The following LYPD6 variants were observed in gnomAD, a reference collection of about 807,000 sequenced individuals.
LYPD6 encodes LY6/PLAUR domain containing 6, also known as ly6/PLAUR domain-containing protein 6.
A neutral mutation model predicts 22.7 loss-of-function variants in LYPD6; 15 were observed. The ratio of observed to expected loss-of-function variants is 0.66; its 90% confidence interval spans 0.44 to 1.02. The LOEUF (loss-of-function observed/expected upper bound fraction) is 1.02. Among genes scored for constraint, LYPD6 ranks in the 50% least tolerant of loss-of-function variants. The pLI, the probability that LYPD6 is intolerant of heterozygous loss-of-function variation, is 0.00. For missense variants in LYPD6, 189 were observed against 208.4 expected (o/e 0.91, Z 0.57); for synonymous variants, 72 against 77.5 (o/e 0.93, Z 0.37).
intron 1 of LYPD6, among the ~76,000 whole-genome samples, chr2:149,354,441 C>T (rs1023623758): frequency 2.0e-5 from 3 of 152,048 alleles, no homozygotes; most frequent in South Asian, 2.1e-4. Context: ...CTCCTGACCT[C>T]GTGATCTGCC....
At chr2:149,390,298 A>T (rs1029027470) in intron 1 of LYPD6, among the ~76,000 whole-genome samples, 1 of 152,000 alleles carries the variant, frequency 6.6e-6, no homozygotes, top group African/African-American at 2.4e-5. Context: ...ACTTCGAATG[A>T]TCTCTTTTCC....
In LYPD6 at chr2:149,356,022, G is replaced by A. The variant is rs191151571; in HGVS notation, c.-72+25300G>A. Among the ~76,000 whole-genome samples, 34 of 151,408 alleles carry A rather than the reference G, an allele frequency of 2.2e-4. 1 individual carries two copies. The East Asian group carries it at 5.6e-3, about 25-fold the overall frequency. ...AATAAATTGAAAGAAGAGTTAAATA[G>A]TCAAAATGCTGGAAGAACAGGGCAA... On this transcript the variant is annotated intron_variant, in intron 1 of 4. Transcript: ENST00000334166.
At chr2:149,484,855 T>A in the LYPD6 span, among the ~76,000 whole-genome samples, 1 of 152,172 alleles carries the variant, frequency 6.6e-6, no homozygotes, top group Admixed American at 6.5e-5. Flanking sequence ...TTGGTGTTAT[T>A]TTTTCCCTGT....
In LYPD6 at chr2:149,470,925, C is replaced by T. The variant is rs1197868189; in HGVS notation, c.*75C>T. On this transcript the variant is annotated 3_prime_UTR_variant, in exon 5 of 5. Transcript: ENST00000334166. ...TCCACAGACCTGCATGAGTCATTGG[C>T]CTGACAGTAATTACACATGTGAGAC... The T allele has an allele frequency of 3.0e-6, 4 of 1,354,368 alleles. No homozygotes were observed. The highest frequency in any genetic ancestry group is 4.1e-6 in the Non-Finnish European group (4 of 971,180). 83.9% of individuals were successfully genotyped at this position (1,354,368 alleles called of 1,614,324 possible).
chr2:149,427,928 T>C (rs1258983031), intron 1 of LYPD6, among the ~76,000 whole-genome samples: 1 of 152,240 alleles, frequency 6.6e-6, no homozygotes, highest in Non-Finnish European at 1.5e-5. Flanking sequence ...TTAAATCAAA[T>C]TGGGGCAAGA....
chr2:149,345,395 C>T (rs1021313558), intron 1 of LYPD6, among the ~76,000 whole-genome samples: 3 of 150,260 alleles, frequency 2.0e-5, no homozygotes, highest in African/African-American at 7.4e-5. Flanking sequence ...CAAGCTCTGC[C>T]TCCTGGGTTC....
intron 1 of LYPD6, among the ~76,000 whole-genome samples, chr2:149,433,711 G>C (rs960480272): frequency 2.0e-5 from 3 of 152,162 alleles, no homozygotes; most frequent in Non-Finnish European, 4.4e-5. Context: ...ATGAAGACAT[G>C]TAAGACTATT....
downstream of LYPD6, among the ~76,000 whole-genome samples, chr2:149,475,403 C>G (rs1681433140): frequency 6.6e-6 from 1 of 152,128 alleles, no homozygotes; most frequent in African/African-American, 2.4e-5. Context: ...GCACTCTTCA[C>G]TGGAGTCTAC....
At chr2:149,373,243 C>T (rs1681850069) in intron 1 of LYPD6, among the ~76,000 whole-genome samples, 1 of 152,100 alleles carries the variant, frequency 6.6e-6, no homozygotes. Flanking sequence ...AATTCAGCTG[C>T]AGGCAAGTTT....
chr2:149,482,155 CTT>C, the LYPD6 span, among the ~76,000 whole-genome samples: 1 of 152,126 alleles, frequency 6.6e-6, no homozygotes, highest in Non-Finnish European at 1.5e-5. Flanking sequence ...AAATTCCAAA[CTT>C]ATAGAAAAAT....
intron 1 of LYPD6, among the ~76,000 whole-genome samples, chr2:149,433,213 T>A (rs927499803): frequency 1.3e-5 from 2 of 152,188 alleles, no homozygotes; most frequent in Admixed American, 6.5e-5. Context: ...GGTTAAAAAA[T>A]TATTTGAATC....
intron 1 of LYPD6, among the ~76,000 whole-genome samples, chr2:149,409,214 G>T (rs115936040): frequency 6.6e-6 from 1 of 152,032 alleles, no homozygotes; most frequent in African/African-American, 2.4e-5. Context: ...ACCAGGCTCC[G>T]GGCTGGTACT....
intron 1 of LYPD6, among the ~76,000 whole-genome samples, chr2:149,414,262 G>A (rs1229017754): frequency 1.3e-5 from 2 of 152,066 alleles, no homozygotes; most frequent in Non-Finnish European, 2.9e-5. Context: ...TAAAGCATTT[G>A]TTAAAACATT....
chr2:149,370,191 C>A (rs1681776013), intron 1 of LYPD6, among the ~76,000 whole-genome samples: 2 of 152,120 alleles, frequency 1.3e-5, no homozygotes, highest in Admixed American at 6.5e-5. Context: ...ATTTAAAGGT[C>A]TTTGACAACT....
At chr2:149,416,362 G>T (rs1056636190) in intron 1 of LYPD6, among the ~76,000 whole-genome samples, 9 of 152,176 alleles carry the variant, frequency 5.9e-5, no homozygotes, top group African/African-American at 1.9e-4. Context: ...ATTGCTGCAT[G>T]TGTCTGTTCA....
At chr2:149,334,132 A>G (rs1046310623) in intron 1 of LYPD6, among the ~76,000 whole-genome samples, 14 of 152,178 alleles carry the variant, frequency 9.2e-5, no homozygotes, top group African/African-American at 3.4e-4. Flanking sequence ...AGAAAAAGAA[A>G]GCTTACCTGG....
At chr2:149,349,248 G>A (rs1681316400) in intron 1 of LYPD6, among the ~76,000 whole-genome samples, 1 of 152,138 alleles carries the variant, frequency 6.6e-6, no homozygotes, top group South Asian at 2.1e-4. Context: ...GCAAATCCTC[G>A]AGAGTGAGGA....
At chr2:149,466,092 G>GT (rs1465501945) in intron 3 of LYPD6, among the ~76,000 whole-genome samples, 2 of 152,106 alleles carry the variant, frequency 1.3e-5, no homozygotes, top group African/African-American at 4.8e-5. Context: ...CTGAAACTAG[G>GT]TTTTTATCAC....
intron 1 of LYPD6, among the ~76,000 whole-genome samples, chr2:149,380,641 C>T (rs1451566015): frequency 6.6e-6 from 1 of 152,126 alleles, no homozygotes; most frequent in Non-Finnish European, 1.5e-5. Context: ...TTTATAAGGG[C>T]ATGAGACCTC....
Sources: allele counts gnomAD v4.1 joint callset (sites outside exome capture counted in the v4.1 genomes callset), GRCh38; gene constraint gnomAD v4.1.1; transcripts MANE v1.5; gene names NCBI Gene and HGNC (gene_info 2026-07-23, HGNC 2026-07-21).